FTO: variants seen among roughly 807,000 people sequenced by gnomAD.
FTO encodes FTO alpha-ketoglutarate dependent dioxygenase, also known as alpha-ketoglutarate-dependent dioxygenase FTO.
In FTO, 47 loss-of-function variants were observed where a neutral mutation model predicts 63.9. The ratio of observed to expected loss-of-function variants is 0.74; its 90% CI spans 0.58 to 0.94. The LOEUF is 0.94. FTO is among the 40% of genes least tolerant of loss of function. The pLI is 0.00. For synonymous variants in FTO, 207 were observed against 224.4 expected (o/e 0.92, Z 0.69); for missense variants, 562 against 618.1 (o/e 0.91, Z 0.96).
chr16:53,866,325 G>A (rs906227679), intron 4 of FTO, among the ~76,000 whole-genome samples: 2 of 152,080 alleles, frequency 1.3e-5, no homozygotes, highest in African/African-American at 4.8e-5. Context: ...TTGCATCTAT[G>A]CTTATGAGAG....
At chr16:53,719,376 C>T (rs914939138) in intron 1 of FTO, among the ~76,000 whole-genome samples, 3 of 151,302 alleles carry the variant, frequency 2.0e-5, no homozygotes, top group African/African-American at 7.3e-5. Flanking sequence ...GGATTACAGG[C>T]GTGCACCACC....
chr16:53,981,926 A>AG (rs1415643524), intron 8 of FTO: 1 of 151,294 alleles, frequency 6.6e-6, no homozygotes, highest in African/African-American at 2.5e-5. Context: ...AAAAAAAAAA[A>AG]AAAATTAGCT....
intron 1 of FTO, among the ~76,000 whole-genome samples, chr16:53,775,449 T>C (rs898648901): frequency 6.6e-6 from 1 of 152,148 alleles, no homozygotes; most frequent in Non-Finnish European, 1.5e-5. Flanking sequence ...GTAGTCTCCT[T>C]ATCTGGCTTT....
chr16:54,041,027 A>G (rs1198514452), intron 8 of FTO, among the ~76,000 whole-genome samples: 2 of 152,222 alleles, frequency 1.3e-5, no homozygotes, highest in Non-Finnish European at 2.9e-5. Context: ...TTAAAGCACT[A>G]TTCTCCTTAA....
At position 54,097,278 on chromosome 16, in the gene FTO, C is replaced by T. The variant is rs139934188; in HGVS notation, c.1365-14484C>T. On this transcript the variant is annotated intron_variant, in intron 8 of 8. Transcript: ENST00000471389. ...TTTAACTCTCAGACCAGTGCTCTCCCTACTATACCATCTGGCTTGTTAGGT... is the reference window on the plus strand; with the variant it reads ...TTTAACTCTCAGACCAGTGCTCTCCTTACTATACCATCTGGCTTGTTAGGT... Among the ~76,000 whole-genome samples the T allele has an allele frequency of 2.2e-3, 342 of 152,042 alleles. 1 individual carries two copies. Among genetic ancestry groups the T allele is most frequent in the Admixed American group, 3.1e-3 (48 of 15,270 alleles).
At chr16:54,031,269 G>A (rs1190891581) in intron 8 of FTO, among the ~76,000 whole-genome samples, 4 of 152,164 alleles carry the variant, frequency 2.6e-5, no homozygotes, top group African/African-American at 4.8e-5. Context: ...ACAGCCCAAC[G>A]GATACTTCTT....
intron 8 of FTO, among the ~76,000 whole-genome samples, chr16:54,038,997 G>A (rs2085009425): frequency 6.6e-6 from 1 of 152,228 alleles, no homozygotes; most frequent in African/African-American, 2.4e-5. Context: ...GGACACAAGA[G>A]CAGCCAGCAG....
chr16:53,791,261 T>A (rs1479384158), intron 1 of FTO, among the ~76,000 whole-genome samples: 1 of 152,202 alleles, frequency 6.6e-6, no homozygotes, highest in Non-Finnish European at 1.5e-5. Flanking sequence ...AAAGAAAGGA[T>A]GCAGATAGGG....
intron 8 of FTO, among the ~76,000 whole-genome samples, chr16:53,960,395 T>C (rs1164868061): frequency 6.6e-6 from 1 of 152,226 alleles, no homozygotes; most frequent in African/African-American, 2.4e-5. Context: ...ATGGTATCGT[T>C]GGAGCTGCCA....
chr16:53,888,971 G>A lies in FTO; in HGVS notation c.1239+20G>A. ...GGTGTGGTAAGTCCATCAGACCTGG[G>A]ACCGTGTTTTCTGGGCTGCTGTGTT... On this transcript the variant is annotated intron_variant, in intron 7 of 8. Transcript: ENST00000471389. 6.2e-7 allele frequency: 1 copy of A among 1,613,744 alleles called. No homozygotes were observed. Among genetic ancestry groups the A allele is most frequent in the Admixed American group, 1.7e-5 (1 of 60,016 alleles).
At chr16:54,010,611 C>T (rs1161688233) in intron 8 of FTO, among the ~76,000 whole-genome samples, 1 of 152,092 alleles carries the variant, frequency 6.6e-6, no homozygotes, top group African/African-American at 2.4e-5. Flanking sequence ...AACGTTTTTA[C>T]CTCCAGTTCC....
chr16:53,930,220 TC>T (rs1258542454), intron 7 of FTO, among the ~76,000 whole-genome samples: 20 of 139,064 alleles, frequency 1.4e-4, no homozygotes, highest in Admixed American at 1.1e-3. Context: ...ATGATTATCT[TC>T]TTTTTTTTTT....
intron 8 of FTO, among the ~76,000 whole-genome samples, chr16:54,083,365 T>G (rs1270524111): frequency 6.6e-6 from 1 of 152,198 alleles, no homozygotes; most frequent in Non-Finnish European, 1.5e-5. Flanking sequence ...TTAATTTCTT[T>G]GCAAGCAAAA....
intron 6 of FTO, among the ~76,000 whole-genome samples, chr16:53,880,886 G>A (rs1037925648): frequency 3.8e-5 from 5 of 131,840 alleles, no homozygotes; most frequent in Admixed American, 9.2e-5. Context: ...GGCGGATCAC[G>A]ATCAAAAGAT....
At chr16:53,928,455 G>C (rs1325313512) in intron 7 of FTO, among the ~76,000 whole-genome samples, 1 of 152,154 alleles carries the variant, frequency 6.6e-6, no homozygotes, top group Non-Finnish European at 1.5e-5. Context: ...CCCTTGAAAA[G>C]CCGACACTAT....
Position 53,877,163 on chromosome 16 carries a change from T to C in FTO, c.976-2681T>C, listed in dbSNP as rs1233880421. Among the ~76,000 whole-genome samples, 2 of 152,328 alleles carry C rather than the reference T, an allele frequency of 1.3e-5. 1 individual carries two copies. Among genetic ancestry groups the C allele is most frequent in the South Asian group, 4.2e-4 (2 of 4,818 alleles). ...GGTGCAGCCACTTTGGGAAACAGTC[T>C]GGCACATCTTCAGAAGGTTAAATCC... is the stretch of plus-strand genomic sequence containing the variant. On this transcript the variant is annotated intron_variant, in intron 5 of 8. Transcript: ENST00000471389.
At chr16:53,864,158 A>G (rs192481146) in intron 4 of FTO, among the ~76,000 whole-genome samples, 1 of 152,286 alleles carries the variant, frequency 6.6e-6, no homozygotes, top group Admixed American at 6.5e-5. Context: ...TAAGATTGAG[A>G]GATGAGAATG....
chr16:54,093,911 T>C (rs1327802256), intron 8 of FTO, among the ~76,000 whole-genome samples: 1 of 152,178 alleles, frequency 6.6e-6, no homozygotes, highest in African/African-American at 2.4e-5. Context: ...TGGCCCAGAC[T>C]GTCCCATGCT....
intron 8 of FTO, among the ~76,000 whole-genome samples, chr16:53,936,618 G>A (rs1324447359): frequency 6.6e-6 from 1 of 152,104 alleles, no homozygotes; most frequent in Non-Finnish European, 1.5e-5. Flanking sequence ...TGTGTACTTC[G>A]GAATTACACA....
Sources: gnomAD v4.1 joint callset for allele counts (sites outside exome capture counted in the v4.1 genomes callset) on GRCh38, gnomAD v4.1.1 for gene constraint, MANE v1.5 for transcripts, NCBI Gene and HGNC (gene_info 2026-07-23, HGNC 2026-07-21) for gene names.